The following USP9Y variants were observed in gnomAD, a reference collection of about 807,000 sequenced individuals.
USP9Y encodes the protein ubiquitin specific peptidase 9 Y-linked.
USP9Y carries 41 observed loss-of-function variants against 53.1 expected under a neutral mutation model. The ratio of observed to expected loss-of-function variants is 0.77; its 90% CI spans 0.60 to 1.00. The LOEUF (loss-of-function observed/expected upper bound fraction) is 1.00. Ranked by LOEUF, USP9Y falls within the 50% of genes least tolerant of loss-of-function variation. The pLI is 0.00. For missense variants in USP9Y, 567 were observed against 535.8 expected, an observed-to-expected ratio of 1.06 and a Z score of -0.58; for synonymous variants, 220 against 173.7, an observed-to-expected ratio of 1.27 and a Z score of -2.09.
intron 27 of USP9Y, among the ~76,000 whole-genome samples, chrY:12,804,063 C>T: frequency 3.0e-5 from 1 of 33,484 alleles, no homozygotes; most frequent in Non-Finnish European, 7.4e-5. Flanking sequence ...GCCATGGTCC[C>T]ATGATGCAGG....
chrY:12,741,527 T>C, intron 12 of USP9Y, among the ~76,000 whole-genome samples: 1 of 33,545 alleles, frequency 3.0e-5, no homozygotes, highest in Non-Finnish European at 7.4e-5. Flanking sequence ...TTCTGAGGTG[T>C]TGGTACTAAT....
At chrY:12,846,229 G>A in intron 39 of USP9Y, 104 bp from the exon 40 acceptor site, 13 of 223,570 alleles carry the variant, frequency 5.8e-5, no homozygotes, top group Non-Finnish European at 1.4e-5. Flanking sequence ...TGAGCTTTTA[G>A]TAATATAACT....
chrY:12,747,415 C>A, intron 12 of USP9Y, among the ~76,000 whole-genome samples: 1 of 33,479 alleles, frequency 3.0e-5, no homozygotes, highest in Non-Finnish European at 7.4e-5. Context: ...CACCAGAAGT[C>A]ATTCTAGGGT....
chrY:12,706,750 A>G, intron 1 of USP9Y, among the ~76,000 whole-genome samples: 1 of 33,818 alleles, frequency 3.0e-5, no homozygotes, highest in Non-Finnish European at 7.3e-5. Flanking sequence ...AAAAACAATG[A>G]AAGAGAAGAC....
At position 12,786,289 on chromosome Y, in the gene USP9Y, C is replaced by A. The variant is rs760329164; in HGVS notation, c.3238C>A (p.Leu1080Ile). 1.3e-5 allele frequency: 5 copies of A among 396,427 alleles called. No homozygotes were observed. Among genetic ancestry groups the A allele is most frequent in the South Asian group, 8.9e-5 (3 of 33,603 alleles). The change falls in exon 23 of 46, where the codon CTT becomes ATT. Residue 1080 changes from leucine (L) to isoleucine (I), a missense_variant. By Grantham distance (5) the Leu-to-Ile change is conservative. Coordinates refer to ENST00000338981, the MANE Select transcript of USP9Y (RefSeq NM_004654.4). ...CAAACTTAGTCCACCCCTTGACTCT[C>A]TTTTCTTTGGTCCTTCTGCCTCCCA... ...EGKLSPPLDS[L>I]FFGPSASQVL...
Position 12,736,116 on chromosome Y carries a change from G to C in USP9Y, c.892G>C (p.Glu298Gln). ...ENLTDEELKK[E>Q]AKNEAKNDAL... ...CTTAACTGATGAAGAACTGAAAAAG[G>C]AGGCAAAGAATGAAGCCAAAAATGA... is the stretch of plus-strand genomic sequence containing the variant. Residue 298 changes from glutamate (E) to glutamine (Q), a missense_variant, in exon 9 of 46, where the codon GAG (glutamate) becomes CAG (glutamine). By Grantham distance (29) the Glu-to-Gln change is conservative (BLOSUM62 2). Coordinates refer to ENST00000338981, the MANE Select transcript of USP9Y (RefSeq NM_004654.4). 2.5e-6 allele frequency: 1 copy of C among 395,512 alleles called. No homozygotes were observed. Among genetic ancestry groups the C allele is most frequent in the African/African-American group, 6.4e-5 (1 of 15,700 alleles).
chrY:12,809,812 C>T, intron 27 of USP9Y, among the ~76,000 whole-genome samples: 1 of 32,305 alleles, frequency 3.1e-5, no homozygotes, highest in African/African-American at 1.2e-4. Context: ...CAGGCATTTC[C>T]GAGAGAGGTT....
At chrY:12,762,194 C>T in intron 15 of USP9Y, among the ~76,000 whole-genome samples, 2 of 33,259 alleles carry the variant, frequency 6.0e-5, no homozygotes, top group Non-Finnish European at 1.5e-4. Context: ...TTCTGTATCA[C>T]CTCAAGCCTT....
At chrY:12,703,384 G>A (rs916818293) in intron 1 of USP9Y, among the ~76,000 whole-genome samples, 2 of 33,222 alleles carry the variant, frequency 6.0e-5, no homozygotes, top group Admixed American at 2.7e-4. Context: ...TTCGGAGTTT[G>A]TTCCTTCAGA....
At chrY:12,734,335 G>C (rs773726847) in intron 7 of USP9Y, among the ~76,000 whole-genome samples, 4 of 34,009 alleles carry the variant, frequency 1.2e-4, no homozygotes, top group Non-Finnish European at 2.9e-4. Context: ...CAGATCACTG[G>C]TTCTGCAAAC....
chrY:12,722,164 C>T lies in USP9Y; in HGVS notation c.302C>T (p.Ala101Val). Residue 101 changes from alanine (A) to valine (V), a missense_variant, in exon 5 of 46, where the codon GCT becomes GTT. Ala to Val is a moderately conservative substitution (Grantham distance 64). Coordinates refer to ENST00000338981, the MANE Select transcript of USP9Y (RefSeq NM_004654.4). The stretch of plus-strand genomic sequence containing the variant: ...GGGGAATTAGAAGTGCTTTTAGAAG[C>T]TGCTATTGATCTTAGTGTAAAAGGT... ...PKGELEVLLEAAIDLSVKGLD... is the reference protein window; with the variant it reads ...PKGELEVLLEVAIDLSVKGLD... The T allele has an allele frequency of 2.5e-6, 1 of 393,590 alleles. No homozygotes were observed. The highest frequency in any genetic ancestry group is 3.6e-6 in the Non-Finnish European group (1 of 281,090).
chrY:12,854,489 G>T (rs2053573968), intron 42 of USP9Y, among the ~76,000 whole-genome samples: 1 of 33,808 alleles, frequency 3.0e-5, no homozygotes, highest in Non-Finnish European at 7.4e-5. Flanking sequence ...TGCAACCTCC[G>T]TCTCCCGGAT....
intron 12 of USP9Y, among the ~76,000 whole-genome samples, chrY:12,756,354 T>G (rs2053468438): frequency 1.8e-4 from 6 of 33,106 alleles, no homozygotes; most frequent in Non-Finnish European, 4.4e-4. Flanking sequence ...GCATGTTTCC[T>G]GATCCATAGG....
Position 12,702,730 on chromosome Y carries a change from G to T in USP9Y, c.-121+675G>T. On this transcript the variant is annotated intron_variant, in intron 1 of 45. Coordinates refer to ENST00000338981, the MANE Select transcript of USP9Y (RefSeq NM_004654.4). Reference sequence around the variant, plus strand: ...AACAGTAGTAAGTCTTGTAATACCTGGACATTAGAGGTCTTTGCCTGTATT... The same window carrying T: ...AACAGTAGTAAGTCTTGTAATACCTTGACATTAGAGGTCTTTGCCTGTATT... 1.2e-4 allele frequency among the ~76,000 whole-genome samples: 4 copies of T among 33,227 alleles called. No individual in the cohort carries two copies. The South Asian group carries it at 2.7e-3, about 23-fold the overall frequency. 89.1% of individuals were successfully genotyped at this position (33,227 alleles called of 37,273 possible). A position where few individuals can be genotyped will look rare whatever the true frequency, so the allele number is the denominator to read the frequency against.
At chrY:12,722,962 G>A (rs2053437271) in intron 5 of USP9Y, among the ~76,000 whole-genome samples, 2 of 32,053 alleles carry the variant, frequency 6.2e-5, no homozygotes. Context: ...CGCCTCCTAG[G>A]TTCAAGTGAT....
chrY:12,705,180 G>T, intron 1 of USP9Y, among the ~76,000 whole-genome samples: 1 of 32,896 alleles, frequency 3.0e-5, no homozygotes, highest in Admixed American at 2.8e-4. Flanking sequence ...AGTTTTTCTC[G>T]ATATATTTTC....
chrY:12,818,373 A>G, intron 32 of USP9Y, 47 bp from the exon 33 acceptor site: 1 of 330,557 alleles, frequency 3.0e-6, no homozygotes, highest in Non-Finnish European at 4.5e-6. Flanking sequence ...CTTTCGTTAT[A>G]CTGTTAAAGT....
intron 27 of USP9Y, among the ~76,000 whole-genome samples, chrY:12,808,502 T>C: frequency 3.0e-5 from 1 of 33,476 alleles, no homozygotes; most frequent in Non-Finnish European, 7.4e-5. Flanking sequence ...AAAAATTATC[T>C]CTCTTGGCTC....
chrY:12,713,782 G>GT (rs2053427327), intron 3 of USP9Y, among the ~76,000 whole-genome samples: 219 of 16,368 alleles, frequency 0.013, no homozygotes, highest in Middle Eastern at 0.2. Flanking sequence ...TCTTTTTTTT[G>GT]TTTTTGTTTT....
Sources: gnomAD v4.1 joint callset for allele counts (sites outside exome capture counted in the v4.1 genomes callset) on GRCh38, gnomAD v4.1.1 for gene constraint, MANE v1.5 for transcripts, NCBI Gene and HGNC (gene_info 2026-07-23, HGNC 2026-07-21) for gene names.